The following TMC7 variants were observed in gnomAD, a reference collection of about 807,000 sequenced individuals.
The protein encoded by TMC7 is transmembrane channel like 7.
Under a neutral mutation model 82.9 loss-of-function variants are expected in TMC7, and 54 were observed. The ratio of observed to expected loss-of-function variants is 0.65; its 90% confidence interval spans 0.52 to 0.82. TMC7 has a LOEUF of 0.82. Ranked by LOEUF, TMC7 falls within the 40% of genes least tolerant of loss-of-function variation. The pLI is 0.00. For missense variants in TMC7, 820 were observed against 901.2 expected (o/e 0.91, Z 1.15); for synonymous variants, 350 against 337.9 (o/e 1.04, Z -0.39).
At chr16:19,017,286 AT>A (rs1242752070) in intron 3 of TMC7, among the ~76,000 whole-genome samples, 1 of 151,508 alleles carries the variant, frequency 6.6e-6, no homozygotes, top group African/African-American at 2.4e-5. Context: ...TATCTTATGC[AT>A]TTAAATGAAA....
At chr16:19,015,054 T>A (rs375253822) in intron 2 of TMC7, among the ~76,000 whole-genome samples, 1 of 151,840 alleles carries the variant, frequency 6.6e-6, no homozygotes, top group Non-Finnish European at 1.5e-5. Context: ...ACCTCCGCCT[T>A]CCGGGTTCAA....
In TMC7 at chr16:18,990,876, A is replaced by G. The variant is rs144289942; in HGVS notation, c.67+6746A>G. Among the ~76,000 whole-genome samples the G allele has an allele frequency of 8.4e-3, 1,280 of 152,204 alleles. 22 individuals are homozygous for G. The highest frequency in any genetic ancestry group is 0.029 in the African/African-American group (1,203 of 41,512). On this transcript the variant is annotated intron_variant, in intron 1 of 15. Coordinates refer to ENST00000304381, the MANE Select transcript of TMC7 (RefSeq NM_024847.4). ...TCACAATGGTGGAATATCATCAGTTAAGGCTGTTTTCACTTCTGTGGATCT... is the reference window on the plus strand; with the variant it reads ...TCACAATGGTGGAATATCATCAGTTGAGGCTGTTTTCACTTCTGTGGATCT...
intron 1 of TMC7, 49 bp downstream of exon 1, chr16:18,984,179 G>A: frequency 6.9e-7 from 1 of 1,447,022 alleles, no homozygotes; most frequent in Non-Finnish European, 9.0e-7. Context: ...GGGGTCCGAG[G>A]GCGCACGGAG....
At chr16:18,984,532 C>T (rs182591143) in intron 1 of TMC7, 73 of 1,016,630 alleles carry the variant, frequency 7.2e-5, no homozygotes, top group Admixed American at 1.8e-4. Flanking sequence ...ACAGTTAGAC[C>T]AACTTGAAAC....
chr16:19,056,807 G>T (rs1237043982), intron 14 of TMC7, 110 bp downstream of exon 14: 42 of 1,245,680 alleles, frequency 3.4e-5, no homozygotes, highest in Non-Finnish European at 4.5e-5. Flanking sequence ...GAGCTTCTTT[G>T]AACTGCACTT....
chr16:18,997,566 C>T (rs1032344388), intron 1 of TMC7, among the ~76,000 whole-genome samples: 5 of 151,688 alleles, frequency 3.3e-5, no homozygotes, highest in Non-Finnish European at 4.4e-5. Flanking sequence ...GACAGGGTTT[C>T]GCCATGTTGG....
intron 8 of TMC7, among the ~76,000 whole-genome samples, chr16:19,040,031 G>A (rs899213947): frequency 1.4e-5 from 2 of 144,066 alleles, no homozygotes; most frequent in African/African-American, 5.1e-5. Flanking sequence ...CAGGAGAATC[G>A]CATGAACCTG....
chr16:19,009,292 G>A lies in TMC7; in HGVS notation c.188G>A (p.Ser63Asn), dbSNP rs140955518. Residue 63 changes from serine (S) to asparagine (N), a missense_variant, in exon 2 of 16, where the codon AGC (serine) becomes AAC (asparagine). Ser to Asn is a conservative substitution (Grantham distance 46, BLOSUM62 1). Around this residue, in one of 2 missense-constraint regions of TMC7, gnomAD observed 650 missense variants for 669.9 expected, o/e 0.97. Coordinates refer to ENST00000304381, the MANE Select transcript of TMC7 (RefSeq NM_024847.4). Reference sequence around the variant, plus strand: ...ACTGTCCATTCCCGGGACAAGCAAAGCGGAACTTTGCTAAAGCCAACCGAC... The same window carrying A: ...ACTGTCCATTCCCGGGACAAGCAAAACGGAACTTTGCTAAAGCCAACCGAC... Reference protein sequence around the residue: ...RTTVHSRDKQSGTLLKPTDSY... With the variant: ...RTTVHSRDKQNGTLLKPTDSY... 6.2e-7 allele frequency: 1 copy of A among 1,614,102 alleles called. No individual in the cohort carries two copies. The highest frequency in any genetic ancestry group is 8.5e-7 in the Non-Finnish European group (1 of 1,180,058).
At chr16:18,996,130 G>A (rs1275981145) in intron 1 of TMC7, among the ~76,000 whole-genome samples, 1 of 152,090 alleles carries the variant, frequency 6.6e-6, no homozygotes, top group Non-Finnish European at 1.5e-5. Flanking sequence ...GAGGGGAGGT[G>A]ACAGATAGAT....
At chr16:19,040,598 C>A in intron 9 of TMC7, 152 bp downstream of exon 9, 1 of 669,756 alleles carries the variant, frequency 1.5e-6, no homozygotes, top group Non-Finnish European at 2.5e-6. Context: ...ATGAATGAAT[C>A]AGAATTTGTA....
Position 19,029,154 on chromosome 16 carries a change from C to T in TMC7, c.712-1070C>T, listed in dbSNP as rs576942186. Among the ~76,000 whole-genome samples the T allele has an allele frequency of 3.6e-4, 55 of 150,772 alleles. 1 individual carries two copies. Among genetic ancestry groups the T allele is most frequent in the African/African-American group, 1.0e-3 (41 of 41,048 alleles). Reference sequence around the variant, plus strand: ...CCGAGTAGCTGGGACTACAGGCGCCCGCCACCACACCCGGCTAATTTTTTG... The same window carrying T: ...CCGAGTAGCTGGGACTACAGGCGCCTGCCACCACACCCGGCTAATTTTTTG... On this transcript the variant is annotated intron_variant, in intron 5 of 15. Transcript: ENST00000304381.
At chr16:19,029,431 A>G (rs1345390989) in intron 5 of TMC7, among the ~76,000 whole-genome samples, 1 of 152,144 alleles carries the variant, frequency 6.6e-6, no homozygotes, top group Non-Finnish European at 1.5e-5. Context: ...TTTCAGAGAC[A>G]GGGTCTTGCT....
chr16:18,994,514 G>T (rs1264141036), intron 1 of TMC7, among the ~76,000 whole-genome samples: 1 of 152,076 alleles, frequency 6.6e-6, no homozygotes, highest in African/African-American at 2.4e-5. Flanking sequence ...AATGAAAAGG[G>T]TGGGGATGAG....
chr16:19,007,219 C>T (rs2039256160), intron 1 of TMC7, among the ~76,000 whole-genome samples: 2 of 152,140 alleles, frequency 1.3e-5, no homozygotes, highest in African/African-American at 4.8e-5. Context: ...TCTTCCTCTC[C>T]ACCTCATTGT....
intron 4 of TMC7, 26 bp downstream of exon 4, chr16:19,021,822 G>A (rs373585877): frequency 5.0e-5 from 80 of 1,608,248 alleles, no homozygotes; most frequent in Non-Finnish European, 5.9e-5. Context: ...GGTTTACTAC[G>A]AAGTGTGTTT....
chr16:19,002,795 A>T (rs1009387200), intron 1 of TMC7, among the ~76,000 whole-genome samples: 2 of 152,248 alleles, frequency 1.3e-5, no homozygotes, highest in Non-Finnish European at 2.9e-5. Context: ...TCCTGTGCAG[A>T]TGGTCAACAG....
chr16:19,009,145 A>G, intron 1 of TMC7, 27 bp from the exon 2 acceptor site: 1 of 1,606,046 alleles, frequency 6.2e-7, no homozygotes, highest in Non-Finnish European at 8.5e-7. Context: ...ACTGGAGTGA[A>G]TGATGACTTT....
chr16:19,061,764 T>A lies in TMC7; in HGVS notation c.2107-14T>A, dbSNP rs778942872. The A allele has an allele frequency of 6.2e-7, 1 of 1,610,770 alleles. No individual in the cohort carries two copies. The highest frequency in any genetic ancestry group is 2.2e-5 in the East Asian group (1 of 44,858). On this transcript the variant is annotated splice_polypyrimidine_tract_variant and intron_variant, in intron 15 of 15. Transcript: ENST00000304381. Reference sequence around the variant, plus strand: ...AAATATATTAAATGTACATGTGAACTTATTATTTTTTAGGAAAGTCGTGAC... The same window carrying A: ...AAATATATTAAATGTACATGTGAACATATTATTTTTTAGGAAAGTCGTGAC...
chr16:19,060,000 T>G (rs1370679248), intron 15 of TMC7: 3 of 300,538 alleles, frequency 1.0e-5, no homozygotes, highest in Non-Finnish European at 2.0e-5. Context: ...AAAAAAGATG[T>G]GTATTAAGTA....
Sources: gnomAD v4.1 joint callset for allele counts (sites outside exome capture counted in the v4.1 genomes callset) on GRCh38, gnomAD v4.1.1 for gene constraint, gnomAD v4.1.1 regional missense constraint, MANE v1.5 for transcripts, NCBI Gene and HGNC (gene_info 2026-07-23, HGNC 2026-07-21) for gene names.